The following MACF1 variants were observed in gnomAD, a reference collection of about 807,000 sequenced individuals.
MACF1 encodes the protein microtubule-actin cross-linking factor 1.
In MACF1, 193 loss-of-function variants were observed where a neutral mutation model predicts 854.8. That is an observed-to-expected ratio of 0.23 (90% confidence interval 0.20 to 0.25). The LOEUF (loss-of-function observed/expected upper bound fraction) is 0.25. Ranked by LOEUF, MACF1 falls within the 10% of genes least tolerant of loss-of-function variation. The pLI is 1.00. For missense variants in MACF1, 7,722 were observed against 8,929.1 expected (o/e 0.86, Z 5.45); for synonymous variants, 3,185 against 3,226.7 (o/e 0.99, Z 0.44).
At chr1:39,439,087 A>T (rs1045966886) in intron 71 of MACF1, among the ~76,000 whole-genome samples, 187 bp from the exon 72 acceptor site, 22 of 150,704 alleles carry the variant, frequency 1.5e-4, no homozygotes, top group African/African-American at 5.3e-4. Flanking sequence ...CTGTCTCCAA[A>T]AAAAAAAAAA....
chr1:39,095,093 T>C (rs1363605376), intron 2 of MACF1, among the ~76,000 whole-genome samples: 1 of 152,142 alleles, frequency 6.6e-6, no homozygotes, highest in African/African-American at 2.4e-5. Flanking sequence ...GTAGGCATGA[T>C]TGACAACCAT....
intron 2 of MACF1, among the ~76,000 whole-genome samples, chr1:39,140,881 CT>C (rs1643325840): frequency 7.9e-6 from 1 of 125,858 alleles, no homozygotes; most frequent in South Asian, 2.8e-4. Context: ...CACCACTGCA[CT>C]CCAGCCTGGG....
intron 49 of MACF1, among the ~76,000 whole-genome samples, chr1:39,367,793 T>A (rs1293504938): frequency 7.1e-6 from 1 of 141,132 alleles, no homozygotes; most frequent in African/African-American, 2.5e-5. Flanking sequence ...TCAGATTTTT[T>A]AATTGGGCTT....
intron 58 of MACF1, among the ~76,000 whole-genome samples, chr1:39,399,025 A>C (rs1267282432): frequency 6.6e-6 from 1 of 152,224 alleles, no homozygotes; most frequent in Non-Finnish European, 1.5e-5. Flanking sequence ...GCATATACAT[A>C]CATGGTTCCT....
At chr1:39,298,608 A>C (rs1485043347) in intron 21 of MACF1, 2 of 427,630 alleles carry the variant, frequency 4.7e-6, no homozygotes, top group Admixed American at 2.7e-5. Context: ...TTGTCGGTAA[A>C]ATTTGAGCAT....
intron 97 of MACF1, among the ~76,000 whole-genome samples, chr1:39,473,259 C>T (rs1644811483): frequency 6.6e-6 from 1 of 152,204 alleles, no homozygotes; most frequent in South Asian, 2.1e-4. Flanking sequence ...GTACCTACCT[C>T]ATGGTGGCCT....
At chr1:39,469,281 C>T (rs1481512223) in intron 96 of MACF1, among the ~76,000 whole-genome samples, 1 of 152,172 alleles carries the variant, frequency 6.6e-6, no homozygotes, top group Non-Finnish European at 1.5e-5. Flanking sequence ...CCCACCAGCC[C>T]AGAAGCATAA....
At chr1:39,273,844 C>T (rs1443811910) in intron 6 of MACF1, among the ~76,000 whole-genome samples, 4 of 152,206 alleles carry the variant, frequency 2.6e-5, no homozygotes, top group Non-Finnish European at 5.9e-5. Context: ...CCCGCCTCGG[C>T]TTCCCAAAGT....
intron 47 of MACF1, among the ~76,000 whole-genome samples, chr1:39,360,036 TATATATATATATATATAC>T (rs1226783320): frequency 0.16 from 13,337 of 85,594 alleles, 1,540 homozygotes; most frequent in Non-Finnish European, 0.19. Context: ...TATATATATA[TATATATATATATATATAC>T]ACACACACAC....
chr1:39,107,458 C>G (rs1273834813), intron 2 of MACF1, among the ~76,000 whole-genome samples: 2 of 151,566 alleles, frequency 1.3e-5, no homozygotes, highest in African/African-American at 4.9e-5. Context: ...AAATGGTTGC[C>G]CAAAGTAAAT....
At chr1:39,104,329 ATGT>A (rs1642165233) in intron 2 of MACF1, among the ~76,000 whole-genome samples, 1 of 152,182 alleles carries the variant, frequency 6.6e-6, no homozygotes, top group South Asian at 2.1e-4. Context: ...GGATCAAATG[ATGT>A]TGGGAGCTCT....
At chr1:39,121,013 A>G (rs369122773) in intron 2 of MACF1, 6 of 152,456 alleles carry the variant, frequency 3.9e-5, no homozygotes, top group Middle Eastern at 3.4e-3. Flanking sequence ...TGTTGTTCCA[A>G]TTTTAGTATA....
At position 39,319,634 on chromosome 1, in the gene MACF1, A is replaced by G. The variant is rs528444600; in HGVS notation, c.3946-30A>G. 5 of 1,442,488 alleles carry G rather than the reference A, an allele frequency of 3.5e-6. No homozygotes were observed. The East Asian group carries it at 6.8e-5, about 20-fold the overall frequency. The allele number at this position is 1,442,488 out of a possible 1,614,324, so 89.4% of individuals were successfully genotyped here. A position where few individuals can be genotyped will look rare whatever the true frequency, so the allele number is the denominator to read the frequency against. ...AGCTCTTTCAATGGTGGTAATGGCA[A>G]TGATAATGTTGTGATATTTTGCTTC... On this transcript the variant is annotated intron_variant, in intron 30 of 100. Coordinates refer to ENST00000564288, the MANE Select transcript of MACF1 (RefSeq NM_001394062.1).
chr1:39,475,896 C>G (rs957079628), intron 97 of MACF1, among the ~76,000 whole-genome samples: 2 of 152,058 alleles, frequency 1.3e-5, no homozygotes, highest in African/African-American at 4.8e-5. Context: ...GTGGACAGAC[C>G]CAGCAGACAT....
intron 2 of MACF1, among the ~76,000 whole-genome samples, chr1:39,233,932 T>C (rs1644819566): frequency 2.1e-5 from 3 of 145,752 alleles, no homozygotes; most frequent in African/African-American, 7.5e-5. Context: ...CAGAGGACCC[T>C]GCGGCCTTCC....
intron 2 of MACF1, among the ~76,000 whole-genome samples, chr1:39,091,528 G>A (rs1641802343): frequency 1.3e-5 from 2 of 151,920 alleles, no homozygotes; most frequent in African/African-American, 2.4e-5. Context: ...ACAGAGTCTC[G>A]CTCTGTCACC....
intron 40 of MACF1, among the ~76,000 whole-genome samples, chr1:39,343,472 T>C (rs1206517138): frequency 6.6e-6 from 1 of 152,212 alleles, no homozygotes; most frequent in East Asian, 1.9e-4. Context: ...TTTATCTGTT[T>C]GCTAAGATAT....
chr1:39,264,373 A>G (rs1450909604), intron 6 of MACF1, among the ~76,000 whole-genome samples: 1 of 152,158 alleles, frequency 6.6e-6, no homozygotes, highest in Non-Finnish European at 1.5e-5. Context: ...GACATATTAC[A>G]TGTTTACTTG....
chr1:39,366,852 C>T (rs1420577231), intron 49 of MACF1, among the ~76,000 whole-genome samples: 1 of 151,440 alleles, frequency 6.6e-6, no homozygotes, highest in African/African-American at 2.4e-5. Flanking sequence ...CCACATTGAC[C>T]AGACTGGTCT....
Sources: gnomAD v4.1 joint callset for allele counts (sites outside exome capture counted in the v4.1 genomes callset) on GRCh38, gnomAD v4.1.1 for gene constraint, MANE v1.5 for transcripts, NCBI Gene and HGNC (gene_info 2026-07-23, HGNC 2026-07-21) for gene names.